AKT3: variants seen among roughly 807,000 people sequenced by gnomAD.
AKT3 encodes RAC-gamma serine/threonine-protein kinase.
AKT3 carries 15 observed loss-of-function variants against 65.3 expected under a neutral mutation model. That is an observed-to-expected ratio of 0.23 (90% CI 0.15 to 0.35). AKT3 has a LOEUF of 0.35. Among genes scored for constraint, AKT3 ranks in the 10% least tolerant of loss-of-function variants. AKT3 has a pLI of 1.00. For missense variants in AKT3, 243 were observed against 576.5 expected, an observed-to-expected ratio of 0.42 and a Z score of 5.92; for synonymous variants, 206 against 183.8, an observed-to-expected ratio of 1.12 and a Z score of -0.98.
In AKT3 at chr1:243,499,947, A is replaced by C; in HGVS notation, c.*5302T>G. 1.4e-6 allele frequency: 1 copy of C among 693,444 alleles called. No homozygotes were observed. The highest frequency in any genetic ancestry group is 2.6e-6 in the Non-Finnish European group (1 of 384,054). The allele number at this position is 693,444 out of a possible 1,614,324, so 43.0% of individuals were successfully genotyped here. On this transcript the variant is annotated 3_prime_UTR_variant, in exon 14 of 14. Transcript: ENST00000673466. Reference sequence around the variant, plus strand: ...CAACGCGGGCGCTGTCCCCGCACGCAGTCGGGCTGGAGCTGGAGTCTGACT... The same window carrying C: ...CAACGCGGGCGCTGTCCCCGCACGCCGTCGGGCTGGAGCTGGAGTCTGACT...
intron 12 of AKT3, among the ~76,000 whole-genome samples, chr1:243,514,209 A>AG (rs1291383856): frequency 6.6e-6 from 1 of 152,160 alleles, no homozygotes; most frequent in African/African-American, 2.4e-5. Flanking sequence ...CACTAGGAGT[A>AG]GGTTTGCTCA....
At chr1:243,685,845 A>G (rs911696181) in intron 3 of AKT3, among the ~76,000 whole-genome samples, 7 of 152,158 alleles carry the variant, frequency 4.6e-5, no homozygotes, top group African/African-American at 1.7e-4. Context: ...ATGATTGTAT[A>G]TTTAGAAAAC....
intron 12 of AKT3, among the ~76,000 whole-genome samples, chr1:243,523,283 A>ACG (rs1670839960): frequency 6.6e-6 from 1 of 151,020 alleles, no homozygotes; most frequent in African/African-American, 2.4e-5. Flanking sequence ...ACACACACAC[A>ACG]CACACACACA....
chr1:243,794,645 T>C (rs1291980638), intron 2 of AKT3, among the ~76,000 whole-genome samples: 1 of 152,110 alleles, frequency 6.6e-6, no homozygotes, highest in African/African-American at 2.4e-5. Context: ...AGAAGAAGAG[T>C]ATAATGCATG....
chr1:243,655,816 C>A (rs775873767), intron 4 of AKT3, among the ~76,000 whole-genome samples: 22 of 152,088 alleles, frequency 1.4e-4, no homozygotes, highest in Non-Finnish European at 2.9e-4. Context: ...ACTCCCAGCT[C>A]TGGGAGCTAC....
intron 11 of AKT3, among the ~76,000 whole-genome samples, chr1:243,546,251 T>C (rs1052966540): frequency 6.6e-6 from 1 of 152,178 alleles, no homozygotes; most frequent in African/African-American, 2.4e-5. Context: ...GAACTGTAAG[T>C]CCAATAAACC....
chr1:243,607,281 T>C (rs544837892), intron 8 of AKT3, among the ~76,000 whole-genome samples: 2 of 152,238 alleles, frequency 1.3e-5, no homozygotes, highest in African/African-American at 2.4e-5. Flanking sequence ...CACCAGCCCA[T>C]GAAAGTAGCT....
intron 12 of AKT3, among the ~76,000 whole-genome samples, chr1:243,535,595 T>C (rs1288320475): frequency 6.6e-6 from 1 of 152,222 alleles, no homozygotes; most frequent in East Asian, 1.9e-4. Flanking sequence ...TGTGTCTGTG[T>C]GCACATCCCA....
At chr1:243,565,694 C>A (rs970612831) in intron 9 of AKT3, among the ~76,000 whole-genome samples, 1 of 152,140 alleles carries the variant, frequency 6.6e-6, no homozygotes, top group African/African-American at 2.4e-5. Context: ...TCTCTTTCTG[C>A]CTTGGTCTGT....
At chr1:243,661,545 A>G (rs1682332907) in intron 4 of AKT3, among the ~76,000 whole-genome samples, 1 of 150,706 alleles carries the variant, frequency 6.6e-6, no homozygotes, top group South Asian at 2.1e-4. Flanking sequence ...ACCTTATACA[A>G]AAATCAATTC....
At chr1:243,760,768 T>C (rs1385039507) in intron 2 of AKT3, among the ~76,000 whole-genome samples, 4 of 152,144 alleles carry the variant, frequency 2.6e-5, no homozygotes, top group East Asian at 3.9e-4. Flanking sequence ...CCCTCATGTA[T>C]AGTGTTGAAG....
At chr1:243,596,944 C>T (rs1318294902) in intron 8 of AKT3, among the ~76,000 whole-genome samples, 1 of 152,056 alleles carries the variant, frequency 6.6e-6, no homozygotes, top group Non-Finnish European at 1.5e-5. Context: ...AGATACAAGA[C>T]AGTATATATT....
intron 6 of AKT3, among the ~76,000 whole-genome samples, chr1:243,636,729 A>C (rs1022703155): frequency 2.0e-5 from 3 of 152,074 alleles, no homozygotes; most frequent in Non-Finnish European, 2.9e-5. Flanking sequence ...GTACTTCCCC[A>C]AAGTACTGCT....
At chr1:243,849,993 G>A (rs1416588667) in intron 1 of AKT3, 47 bp downstream of exon 1, 2 of 980,842 alleles carry the variant, frequency 2.0e-6, no homozygotes, top group Non-Finnish European at 2.4e-6. Flanking sequence ...CGGAGGGAGT[G>A]GAGGCCAGGC....
At chr1:243,839,979 G>A (rs1029069192) in intron 2 of AKT3, among the ~76,000 whole-genome samples, 1 of 151,518 alleles carries the variant, frequency 6.6e-6, no homozygotes, top group South Asian at 2.1e-4. Context: ...TCAGGAGATC[G>A]ACACCAACCT....
At chr1:243,673,156 T>C (rs1019785939) in intron 3 of AKT3, among the ~76,000 whole-genome samples, 22 of 152,228 alleles carry the variant, frequency 1.4e-4, no homozygotes, top group African/African-American at 5.1e-4. Flanking sequence ...GTATACAGTT[T>C]GGTGACATTA....
chr1:243,750,396 T>C lies in AKT3; in HGVS notation c.47-54680A>G, dbSNP rs190838253. ...CTCCCACCTTCTCTCCCCTCTCACA[T>C]GCATGCACGTATACACACACACACA... On this transcript the variant is annotated intron_variant, in intron 2 of 13. Transcript: ENST00000673466. Among the ~76,000 whole-genome samples, 448 of 130,616 alleles carry C rather than the reference T, an allele frequency of 3.4e-3. 5 individuals are homozygous for C. Among genetic ancestry groups the C allele is most frequent in the African/African-American group, 0.012 (418 of 35,774 alleles). 85.7% of individuals were successfully genotyped at this position (130,616 alleles called of 152,430 possible).
At position 243,502,492 on chromosome 1, in the gene AKT3, C is replaced by T. The variant is rs924889942; in HGVS notation, c.*2757G>A. ...CAAGCTTCATGACAGTTAGTATGGG[C>T]TGGAGTCTGCAAAGTCTGAACTGTA... On this transcript the variant is annotated 3_prime_UTR_variant, in exon 14 of 14. Transcript: ENST00000673466. 4.3e-6 allele frequency: 1 copy of T among 233,144 alleles called. No homozygotes were observed. Among genetic ancestry groups the T allele is most frequent in the African/African-American group, 2.2e-5 (1 of 45,336 alleles). The allele number at this position is 233,144 out of a possible 1,614,324, so 14.4% of individuals were successfully genotyped here.
At chr1:243,635,563 T>C (rs758216942) in intron 6 of AKT3, among the ~76,000 whole-genome samples, 4 of 151,908 alleles carry the variant, frequency 2.6e-5, no homozygotes, top group Admixed American at 6.6e-5. Context: ...AAATCACCAT[T>C]AGAACACAAC....
Sources: allele counts gnomAD v4.1 joint callset (sites outside exome capture counted in the v4.1 genomes callset), GRCh38; gene constraint gnomAD v4.1.1; transcripts MANE v1.5; gene names NCBI Gene and HGNC (gene_info 2026-07-23, HGNC 2026-07-21).